The following RXFP2 variants were observed in gnomAD, a reference collection of about 807,000 sequenced individuals.
RXFP2 encodes the protein relaxin receptor 2.
A neutral mutation model predicts 88.6 loss-of-function variants in RXFP2; 68 were observed. The ratio of observed to expected loss-of-function variants is 0.77; its 90% CI spans 0.63 to 0.94. The LOEUF is 0.94. RXFP2 is among the 40% of genes least tolerant of loss of function. The pLI, the probability that RXFP2 is intolerant of heterozygous loss-of-function variation, is 0.00. For missense variants in RXFP2, 791 were observed against 893.9 expected, an observed-to-expected ratio of 0.88 and a Z score of 1.47; for synonymous variants, 329 against 306.8, an observed-to-expected ratio of 1.07 and a Z score of -0.76.
chr13:31,786,739 C>A (rs896054772), intron 13 of RXFP2, 102 bp downstream of exon 13: 2 of 739,494 alleles, frequency 2.7e-6, no homozygotes, highest in South Asian at 3.2e-5. Context: ...GCATGCATTT[C>A]AGACAACTGT....
intron 10 of RXFP2, 120 bp downstream of exon 10, chr13:31,781,862 C>A: frequency 1.3e-6 from 1 of 742,316 alleles, no homozygotes; most frequent in Non-Finnish European, 2.3e-6. Context: ...TCTGACACTG[C>A]AGTGCTAGAA....
At chr13:31,754,607 AG>A (rs1871845414) in intron 1 of RXFP2, among the ~76,000 whole-genome samples, 1 of 152,228 alleles carries the variant, frequency 6.6e-6, no homozygotes, top group South Asian at 2.1e-4. Flanking sequence ...CACCTTCAAA[AG>A]ATCCTATTCA....
At chr13:31,752,735 C>G (rs1871727265) in intron 1 of RXFP2, among the ~76,000 whole-genome samples, 1 of 152,174 alleles carries the variant, frequency 6.6e-6, no homozygotes, top group Non-Finnish European at 1.5e-5. Flanking sequence ...CAGGTGCACT[C>G]CGCTGATGGA....
At chr13:31,789,018 G>A in intron 13 of RXFP2, 104 bp from the exon 14 acceptor site, 1 of 779,786 alleles carries the variant, frequency 1.3e-6, no homozygotes, top group Non-Finnish European at 2.2e-6. Context: ...AATCTGCATT[G>A]GTAACATAAG....
intron 11 of RXFP2, among the ~76,000 whole-genome samples, chr13:31,784,866 TC>T (rs1445614532): frequency 6.6e-6 from 1 of 152,134 alleles, no homozygotes; most frequent in Non-Finnish European, 1.5e-5. Flanking sequence ...CCTGCTGCTG[TC>T]CCCCTTAACC....
At position 31,739,657 on chromosome 13, in the gene RXFP2, G is replaced by A. The variant is rs761422277; in HGVS notation, c.45G>A (p.Leu15=). The stretch of plus-strand genomic sequence containing the variant: ...TTAAACATCTCTTCAGCCTCAGATT[G>A]ATTACAATGTTCTTTCTACTTCATT... The part of the protein sequence containing the change: ...LVFKHLFSLR[L]ITMFFLLHFI... Residue 15 remains leucine (L), a synonymous_variant, in exon 1 of 18, where the codon TTG becomes TTA. Transcript: ENST00000298386. The A allele has an allele frequency of 6.2e-7, 1 of 1,610,034 alleles. No homozygotes were observed.
intron 1 of RXFP2, among the ~76,000 whole-genome samples, chr13:31,751,782 A>T (rs1486867166): frequency 6.6e-6 from 1 of 152,146 alleles, no homozygotes; most frequent in Non-Finnish European, 1.5e-5. Context: ...TCTCCTTCAC[A>T]ATCCCCCTTT....
At chr13:31,751,759 T>C (rs1871683680) in intron 1 of RXFP2, among the ~76,000 whole-genome samples, 1 of 152,198 alleles carries the variant, frequency 6.6e-6, no homozygotes, top group Non-Finnish European at 1.5e-5. Context: ...CCCATCGGGC[T>C]TCCCCTTGCC....
intron 2 of RXFP2, 138 bp downstream of exon 2, chr13:31,758,542 A>G (rs993412112): frequency 5.1e-5 from 51 of 998,182 alleles, no homozygotes; most frequent in Middle Eastern, 6.5e-4. Flanking sequence ...AACACAAATA[A>G]TGACTCCCCA....
chr13:31,745,502 C>A (rs1871372925), intron 1 of RXFP2, among the ~76,000 whole-genome samples: 1 of 152,176 alleles, frequency 6.6e-6, no homozygotes, highest in African/African-American at 2.4e-5. Context: ...GGGGCTGAGT[C>A]CCAATGCTTG....
At chr13:31,742,300 G>A (rs929153835) in intron 1 of RXFP2, among the ~76,000 whole-genome samples, 3 of 152,214 alleles carry the variant, frequency 2.0e-5, no homozygotes, top group East Asian at 3.8e-4. Flanking sequence ...CTGCCCCCTA[G>A]TGGCCAGACT....
rs776133070 is a variant in RXFP2, at chr13:31,786,440, G to A, written c.987G>A (p.Lys329=). Residue 329 remains lysine (K), a synonymous_variant, in exon 12 of 18, where the codon AAG becomes AAA. Coordinates refer to ENST00000298386, the MANE Select transcript of RXFP2 (RefSeq NM_130806.5). ...CACCTCACCTTTTTAAAGACTTGAA[G>A]CTTCTACAAAAGCTGTAAGTTCTAC... ...ELSPHLFKDL[K]LLQKLNLSSN... 7 of 1,606,540 alleles carry A rather than the reference G, an allele frequency of 4.4e-6. No homozygotes were observed. The highest frequency in any genetic ancestry group is 1.3e-5 in the African/African-American group (1 of 74,688).
intron 3 of RXFP2, among the ~76,000 whole-genome samples, chr13:31,762,514 G>A (rs1367114122): frequency 6.6e-6 from 1 of 152,190 alleles, no homozygotes; most frequent in Non-Finnish European, 1.5e-5. Flanking sequence ...AAGGGTTTTG[G>A]TGTACACCTT....
rs1442007288 is a variant in RXFP2, at chr13:31,781,664, C to T, written c.786-7C>T. 4.4e-6 allele frequency: 7 copies of T among 1,599,138 alleles called. No homozygotes were observed. The highest frequency in any genetic ancestry group is 1.1e-5 in the South Asian group (1 of 90,620). On this transcript the variant is annotated splice_polypyrimidine_tract_variant and splice_region_variant and intron_variant, in intron 9 of 17. Transcript: ENST00000298386. Reference sequence around the variant, plus strand: ...TATTAAAAATATCTTTCCTCCATGACTTCCAGGGATTTGGAAGGCAATAGA... The same window carrying T: ...TATTAAAAATATCTTTCCTCCATGATTTCCAGGGATTTGGAAGGCAATAGA...
intron 1 of RXFP2, among the ~76,000 whole-genome samples, chr13:31,757,776 T>C (rs954254209): frequency 2.0e-5 from 3 of 152,040 alleles, no homozygotes; most frequent in East Asian, 1.9e-4. Context: ...ATAGCTGATG[T>C]TGGGTGTGAT....
chr13:31,774,830 A>T (rs372152377), intron 6 of RXFP2, 139 bp downstream of exon 6: 1 of 672,926 alleles, frequency 1.5e-6, no homozygotes, highest in Non-Finnish European at 2.7e-6. Context: ...ATTAGTTATT[A>T]CACTGAAAGA....
intron 5 of RXFP2, among the ~76,000 whole-genome samples, chr13:31,768,474 G>T (rs17076642): frequency 2.6e-5 from 4 of 152,106 alleles, no homozygotes; most frequent in Admixed American, 2.0e-4. Context: ...GGCAGACACC[G>T]TTACAGCAGT....
chr13:31,794,835 C>T (rs1432223625), intron 16 of RXFP2, among the ~76,000 whole-genome samples: 2 of 151,792 alleles, frequency 1.3e-5, no homozygotes, highest in Admixed American at 1.3e-4. Context: ...GCATGGAGCT[C>T]GGCCCAAAGG....
intron 3 of RXFP2, among the ~76,000 whole-genome samples, chr13:31,764,335 C>T (rs561051592): frequency 6.6e-6 from 1 of 151,730 alleles, no homozygotes; most frequent in East Asian, 1.9e-4. Flanking sequence ...CCTTAGATTT[C>T]TCACTCCTTT....
Sources: gnomAD v4.1 joint callset for allele counts (sites outside exome capture counted in the v4.1 genomes callset) on GRCh38, gnomAD v4.1.1 for gene constraint, MANE v1.5 for transcripts, NCBI Gene and HGNC (gene_info 2026-07-23, HGNC 2026-07-21) for gene names.